The following GPR137 variants were observed in gnomAD, a reference collection of about 807,000 sequenced individuals.
The protein encoded by GPR137 is G protein-coupled receptor 137, also known as integral membrane protein GPR137.
In GPR137, 20 loss-of-function variants were observed where a neutral mutation model predicts 38.9. That is an observed-to-expected ratio of 0.51 (90% confidence interval 0.36 to 0.75). The LOEUF (loss-of-function observed/expected upper bound fraction) is 0.75, where lower values mean the gene tolerates loss of function less well. Ranked by LOEUF, GPR137 falls within the 30% of genes least tolerant of loss-of-function variation. The pLI is 0.00. For synonymous variants in GPR137, 226 were observed against 235.8 expected, an observed-to-expected ratio of 0.96 and a Z score of 0.38; for missense variants, 456 against 526.4, an observed-to-expected ratio of 0.87 and a Z score of 1.31.
chr11:64,270,977 C>T (rs1262450958), upstream of GPR137, among the ~76,000 whole-genome samples: 1 of 9,734 alleles, frequency 1.0e-4, no homozygotes, highest in Admixed American at 1.8e-3. Flanking sequence ...TGCCCTGTGA[C>T]ACACACACAC....
At chr11:64,279,700 T>A (rs979389965), upstream of GPR137, among the ~76,000 whole-genome samples, 3 of 148,718 alleles carry the variant, frequency 2.0e-5, no homozygotes, top group African/African-American at 2.5e-5. Context: ...GAGGTGGAAG[T>A]TGCAGTGAGC....
chr11:64,285,860 G>GCCGGGGAGCCGGAGCC lies in GPR137; in HGVS notation c.-659_-644dup, dbSNP rs2033941049. ...GGGGGAGGGGGGCGGAGCAGCGGGA[G>GCCGGGGAGCCGGAGCC]CCGGGGAGCCGGAGCCCCGGGTCCC... On this transcript the variant is annotated 5_prime_UTR_variant, in exon 1 of 7. Coordinates refer to ENST00000438980, the MANE Select transcript of GPR137 (RefSeq NM_001170880.2). 3 of 983,084 alleles carry GCCGGGGAGCCGGAGCC rather than the reference G, an allele frequency of 3.1e-6. No homozygotes were observed. Among genetic ancestry groups the GCCGGGGAGCCGGAGCC allele is most frequent in the Non-Finnish European group, 3.6e-6 (3 of 827,932 alleles). 60.9% of individuals were successfully genotyped at this position (983,084 alleles called of 1,614,324 possible).
upstream of GPR137, among the ~76,000 whole-genome samples, chr11:64,279,376 C>T (rs1243545765): frequency 1.3e-5 from 2 of 152,274 alleles, no homozygotes; most frequent in East Asian, 3.9e-4. Context: ...AGCCCCTACC[C>T]CTAACTGGAC....
upstream of GPR137, chr11:64,284,349 A>G (rs1243266561): frequency 6.2e-7 from 1 of 1,612,880 alleles, no homozygotes; most frequent in Non-Finnish European, 8.5e-7. Flanking sequence ...ACTCGGCTCA[A>G]ACTCTGGGAT....
At chr11:64,285,287 G>C (rs2033823993), upstream of GPR137, 1 of 985,810 alleles carries the variant, frequency 1.0e-6, no homozygotes, top group Admixed American at 6.1e-5. Flanking sequence ...CCCTGGCTGG[G>C]ATGGCTGCCC....
intron 2 of GPR137, chr11:64,287,450 C>T: frequency 1.6e-6 from 1 of 630,394 alleles, no homozygotes; most frequent in Non-Finnish European, 2.0e-6. Flanking sequence ...AAACTGAGGC[C>T]CAGCCAGGTA....
In GPR137 at chr11:64,287,897, G is replaced by C; in HGVS notation, c.584G>C (p.Cys195Ser). 1 of 1,602,964 alleles carries C rather than the reference G, an allele frequency of 6.2e-7. No homozygotes were observed. The change falls in exon 3 of 7, where the codon TGC (cysteine) becomes TCC (serine). Residue 195 changes from cysteine to serine, a missense_variant. Coordinates refer to ENST00000438980, the MANE Select transcript of GPR137 (RefSeq NM_001170880.2). ...ICALSLAACL[C>S]LVARRAPSTS... ...GCGCTGTCTCTTGCTGCCTGCCTCT[G>C]CCTCGTCGCCAGGCGGGCGCCCTCC... is the stretch of plus-strand genomic sequence containing the variant.
upstream of GPR137, chr11:64,271,590 G>T: frequency 7.1e-7 from 1 of 1,406,602 alleles, no homozygotes. Context: ...TCAGGTCCTG[G>T]CACGCTGGGG....
intron 2 of GPR137, chr11:64,287,386 C>G (rs980079935): frequency 1.1e-5 from 10 of 886,946 alleles, no homozygotes; most frequent in Non-Finnish European, 1.4e-5. Flanking sequence ...TCCCAGCCAT[C>G]TTTTATTTGT....
At chr11:64,271,737 C>T, upstream of GPR137, 1 of 1,447,124 alleles carries the variant, frequency 6.9e-7, no homozygotes, top group Non-Finnish European at 9.1e-7. Flanking sequence ...CTCCCCCATC[C>T]CTTCGTCGTC....
Position 64,289,028 on chromosome 11 carries a change from C to T in GPR137, c.1032-9C>T. 6.5e-7 allele frequency: 1 copy of T among 1,539,200 alleles called. No homozygotes were observed. Among genetic ancestry groups the T allele is most frequent in the Non-Finnish European group, 8.7e-7 (1 of 1,146,438 alleles). The stretch of plus-strand genomic sequence containing the variant: ...CTGTCCTGAGACTGACCCTGTTTCT[C>T]TGCTGCAGTATGTCGGGCAGTCTAG... On this transcript the variant is annotated splice_polypyrimidine_tract_variant and intron_variant, in intron 6 of 6. Coordinates refer to ENST00000438980, the MANE Select transcript of GPR137 (RefSeq NM_001170880.2).
At position 64,288,091 on chromosome 11, in the gene GPR137, G is replaced by T; in HGVS notation, c.660G>T (p.Ala220=). Residue 220 remains alanine (A), a synonymous_variant, in exon 4 of 7, where the codon GCG becomes GCT. Transcript: ENST00000438980. This position sits in a 1 kb window ranked among gnomAD's most constrained non-coding sequence, Gnocchi z 5.5. ...GGACCAGTGTGTGCCAGGCGGCCGC[G>T]ATGGGTGGCGCCATGGTCCTGCTCT... ...AKGTSVCQAA[A]MGGAMVLLYA... 6.2e-7 allele frequency: 1 copy of T among 1,611,726 alleles called. No homozygotes were observed.
chr11:64,288,259 T>G lies in GPR137; in HGVS notation c.783+45T>G, dbSNP rs781588427. On this transcript the variant is annotated intron_variant, in intron 4 of 6. Transcript: ENST00000438980. The surrounding 1 kb of genome is among the most constrained non-coding windows in gnomAD (Gnocchi z 5.5). ...CCACCTCCTTAGTAGCCGTGGCACC[T>G]TGGCCCCAGCTGGCCTGGGCCCTGT... 6.2e-7 allele frequency: 1 copy of G among 1,609,668 alleles called. No individual in the cohort carries two copies. The highest frequency in any genetic ancestry group is 2.2e-5 in the East Asian group (1 of 44,750).
At chr11:64,284,184 C>G (rs1211007807), upstream of GPR137, 2 of 1,593,288 alleles carry the variant, frequency 1.3e-6, no homozygotes, top group Non-Finnish European at 1.7e-6. Flanking sequence ...GTACTTACCT[C>G]CATGATGGCT....
Position 64,288,993 on chromosome 11 carries a change from G to A in GPR137, c.1032-44G>A, listed in dbSNP as rs76199001. On this transcript the variant is annotated intron_variant, in intron 6 of 6. Transcript: ENST00000438980. The surrounding 1 kb of genome is among the most constrained non-coding windows in gnomAD (Gnocchi z 5.5). ...TCCTCCTGCAGCTCTTGTGACTGTG[G>A]CCCTGGTCACTGTCCTGAGACTGAC... 1.7e-3 allele frequency: 2,583 copies of A among 1,482,394 alleles called. 32 individuals are homozygous for A. In the East Asian group the frequency reaches 0.025, roughly 14 times the overall value. The allele number at this position is 1,482,394 out of a possible 1,614,324, so 91.8% of individuals were successfully genotyped here.
At chr11:64,273,246 G>A (rs998664462), upstream of GPR137, among the ~76,000 whole-genome samples, 5 of 152,132 alleles carry the variant, frequency 3.3e-5, no homozygotes, top group African/African-American at 7.2e-5. Flanking sequence ...GGTGGTTCAC[G>A]CCTGTAGTCC....
upstream of GPR137, among the ~76,000 whole-genome samples, chr11:64,275,139 C>T (rs889771718): frequency 6.6e-6 from 1 of 151,676 alleles, no homozygotes; most frequent in African/African-American, 2.4e-5. Context: ...GGTGGGGATA[C>T]CTCAAGACCC....
At chr11:64,282,453 G>A (rs1459958502), upstream of GPR137, among the ~76,000 whole-genome samples, 2 of 152,182 alleles carry the variant, frequency 1.3e-5, no homozygotes, top group East Asian at 3.8e-4. Context: ...AATAAAAAAT[G>A]AGCTGGTGTG....
intron 6 of GPR137, 28 bp from the exon 7 acceptor site, chr11:64,289,009 T>G: frequency 6.6e-7 from 1 of 1,505,164 alleles, no homozygotes; most frequent in Non-Finnish European, 8.9e-7. Flanking sequence ...GTCACTGTCC[T>G]GAGACTGACC....
Sources: gnomAD v4.1 joint callset for allele counts (sites outside exome capture counted in the v4.1 genomes callset) on GRCh38, gnomAD v4.1.1 for gene constraint, Gnocchi (gnomAD v3.1) non-coding constraint, MANE v1.5 for transcripts, NCBI Gene and HGNC (gene_info 2026-07-23, HGNC 2026-07-21) for gene names.